Variants in ITSN1 observed in about 807,000 individuals in gnomAD.
ITSN1 encodes intersectin-1.
Under a neutral mutation model 239.8 loss-of-function variants are expected in ITSN1, and 58 were observed. That is an observed-to-expected ratio of 0.24 (90% confidence interval 0.20 to 0.30). The LOEUF (loss-of-function observed/expected upper bound fraction) is 0.30. ITSN1 is among the 10% of genes least tolerant of loss of function. The pLI, the probability that ITSN1 is intolerant of heterozygous loss-of-function variation, is 1.00. For missense variants in ITSN1, 1,558 were observed against 2,103.3 expected, an observed-to-expected ratio of 0.74 and a Z score of 5.07; for synonymous variants, 780 against 770.8, an observed-to-expected ratio of 1.01 and a Z score of -0.20.
At chr21:33,886,609 C>G in intron 39 of ITSN1, 149 bp downstream of exon 39, 1 of 706,632 alleles carries the variant, frequency 1.4e-6, no homozygotes, top group South Asian at 2.0e-5. Flanking sequence ...GAGGCTCTGT[C>G]TCCCCTGGAG....
intron 1 of ITSN1, among the ~76,000 whole-genome samples, chr21:33,648,598 A>G (rs2088198136): frequency 6.6e-6 from 1 of 152,160 alleles, no homozygotes; most frequent in African/African-American, 2.4e-5. Context: ...TGTAATCCCA[A>G]TACTTGAGAG....
chr21:33,748,957 C>G (rs571071342), intron 5 of ITSN1, among the ~76,000 whole-genome samples: 2 of 149,052 alleles, frequency 1.3e-5, no homozygotes, highest in East Asian at 3.9e-4. Context: ...AAAGTTGGGA[C>G]AGAGAAATAA....
rs553149287 is a variant in ITSN1 at position 33,829,207 on chromosome 21, A to G, written c.3230-417A>G. On this transcript the variant is annotated intron_variant, in intron 26 of 39. Coordinates refer to ENST00000381318, the MANE Select transcript of ITSN1 (RefSeq NM_003024.3). ...AGAAAAGCTATTGAGTCCTTTAGTC[A>G]CTTCAAAGTAGCACTTTAGCCATTG... 2.5e-5 allele frequency: 9 copies of G among 358,162 alleles called. 1 individual carries two copies. The highest frequency in any genetic ancestry group is 2.0e-4 in the South Asian group (9 of 45,150). The allele number at this position is 358,162 out of a possible 1,614,324, so 22.2% of individuals were successfully genotyped here.
Position 33,857,969 on chromosome 21 carries a change from A to G in ITSN1, c.3784-717A>G, listed in dbSNP as rs1306054191. On this transcript the variant is annotated intron_variant, in intron 30 of 39. Transcript: ENST00000381318. ...TCCCCTTCCCTAAAGAGCCTTCAGAAGCGCCTCCTGTGGGAGAAAATGACC... is the reference window on the plus strand; with the variant it reads ...TCCCCTTCCCTAAAGAGCCTTCAGAGGCGCCTCCTGTGGGAGAAAATGACC... Among the ~76,000 whole-genome samples, 8 of 152,294 alleles carry G rather than the reference A, an allele frequency of 5.3e-5. No individual in the cohort carries two copies. The East Asian group carries it at 1.4e-3, about 26-fold the overall frequency.
chr21:33,644,396 G>A lies in ITSN1; in HGVS notation c.-33+1683G>A, dbSNP rs182187540. 3.5e-3 allele frequency among the ~76,000 whole-genome samples: 536 copies of A among 152,288 alleles called. 2 individuals are homozygous for A. Among genetic ancestry groups the A allele is most frequent in the Middle Eastern group, 0.01 (3 of 294 alleles). On this transcript the variant is annotated intron_variant, in intron 1 of 39. Transcript: ENST00000381318. ...ATTTCAGACACCTTTAAGTAGTCCA[G>A]TGGAGATCATTTCTGATAGTATGAT... is the stretch of plus-strand genomic sequence containing the variant.
chr21:33,837,406 A>G (rs2148414124), intron 29 of ITSN1: 1 of 989,080 alleles, frequency 1.0e-6, no homozygotes, highest in Non-Finnish European at 1.2e-6. Context: ...AAAAAGACCC[A>G]CTATCAAGGA....
At chr21:33,778,615 G>C (rs2069859755) in intron 14 of ITSN1, among the ~76,000 whole-genome samples, 1 of 95,480 alleles carries the variant, frequency 1.0e-5, no homozygotes, top group Non-Finnish European at 1.7e-5. Flanking sequence ...GTCTCGCTCT[G>C]TCGCCCAGGC....
intron 1 of ITSN1, among the ~76,000 whole-genome samples, chr21:33,679,745 A>G (rs1013858267): frequency 1.6e-5 from 2 of 121,640 alleles, no homozygotes; most frequent in African/African-American, 6.5e-5. Context: ...GCTCTGTCAC[A>G]CAGGCTGGAG....
intron 7 of ITSN1, among the ~76,000 whole-genome samples, chr21:33,753,761 T>TAAAAAAAAAAA (rs760085854): frequency 2.9e-4 from 24 of 81,756 alleles, no homozygotes; most frequent in African/African-American, 1.3e-3. Context: ...GTCTCTTTCT[T>TAAAAAAAAAAA]AAAAAAAAAA....
At position 33,889,532 on chromosome 21, in the gene ITSN1, T is replaced by C. The variant is rs961132792; in HGVS notation, c.*1232T>C. 1.3e-5 allele frequency: 2 copies of C among 152,212 alleles called. No homozygotes were observed. The highest frequency in any genetic ancestry group is 4.8e-5 in the African/African-American group (2 of 41,444). The allele number at this position is 152,212 out of a possible 1,614,324, so 9.4% of individuals were successfully genotyped here. On this transcript the variant is annotated 3_prime_UTR_variant, in exon 40 of 40. Transcript: ENST00000381318. ...TTGGTTTGAGTTCTTTAATTTTTTT[T>C]TCCCTTAAATGCCAGGAGATCATCT...
chr21:33,869,880 C>T (rs1982412643), intron 33 of ITSN1, among the ~76,000 whole-genome samples: 1 of 152,020 alleles, frequency 6.6e-6, no homozygotes, highest in Non-Finnish European at 1.5e-5. Context: ...TGTATATACA[C>T]ATATATTTAT....
At position 33,828,073 on chromosome 21, in the gene ITSN1, G is replaced by T. The variant is rs928580578; in HGVS notation, c.3229+1210G>T. Among the ~76,000 whole-genome samples, 3 of 152,206 alleles carry T rather than the reference G, an allele frequency of 2.0e-5. No individual in the cohort carries two copies. In the East Asian group the frequency reaches 5.8e-4, roughly 29 times the overall value. On this transcript the variant is annotated intron_variant, in intron 26 of 39. Coordinates refer to ENST00000381318, the MANE Select transcript of ITSN1 (RefSeq NM_003024.3). ...TAAGTTTTCTAAGTTTTGTACACTT[G>T]TCATTCCAGAGGGTCCAGATATTTC...
chr21:33,834,481 C>T (rs2074486788), intron 28 of ITSN1, 57 bp downstream of exon 28: 4 of 1,193,374 alleles, frequency 3.4e-6, no homozygotes, highest in Non-Finnish European at 4.9e-6. Context: ...TGAGTTTTTC[C>T]ACTTGATTTT....
intron 5 of ITSN1, among the ~76,000 whole-genome samples, chr21:33,738,797 A>G (rs1014418300): frequency 4.6e-5 from 7 of 151,666 alleles, no homozygotes; most frequent in African/African-American, 9.7e-5. Flanking sequence ...CCTTGTCTGC[A>G]TGGGTTTTTT....
At chr21:33,852,859 A>T (rs1388188073) in intron 29 of ITSN1, among the ~76,000 whole-genome samples, 1 of 152,162 alleles carries the variant, frequency 6.6e-6, no homozygotes, top group Non-Finnish European at 1.5e-5. Context: ...TTATCCTAGG[A>T]CCCAAAAGAG....
chr21:33,842,379 A>G (rs2834277), intron 29 of ITSN1, among the ~76,000 whole-genome samples: 27,080 of 152,126 alleles, frequency 0.18, 3,932 homozygotes, highest in African/African-American at 0.39. Flanking sequence ...AAAATGTTTC[A>G]TTTATAAAAA....
chr21:33,785,950 C>T (rs1367808816), intron 16 of ITSN1, among the ~76,000 whole-genome samples: 2 of 152,160 alleles, frequency 1.3e-5, no homozygotes, highest in East Asian at 1.9e-4. Flanking sequence ...AGGAATCTTA[C>T]TGTAGCAAAT....
chr21:33,694,587 G>T (rs1048735272), intron 1 of ITSN1, among the ~76,000 whole-genome samples: 1 of 152,096 alleles, frequency 6.6e-6, no homozygotes, highest in Non-Finnish European at 1.5e-5. Flanking sequence ...TTGGGAGGCC[G>T]AGGCGGGCAG....
intron 4 of ITSN1, among the ~76,000 whole-genome samples, chr21:33,734,024 G>C (rs2066346824): frequency 6.6e-6 from 1 of 151,982 alleles, no homozygotes; most frequent in African/African-American, 2.4e-5. Flanking sequence ...TGTGAACACT[G>C]TCCGGATATG....
Sources: gnomAD v4.1 joint callset for allele counts (sites outside exome capture counted in the v4.1 genomes callset) on GRCh38, gnomAD v4.1.1 for gene constraint, MANE v1.5 for transcripts, NCBI Gene and HGNC (gene_info 2026-07-23, HGNC 2026-07-21) for gene names.